The following NLGN1 variants were observed in gnomAD, a reference collection of about 807,000 sequenced individuals.
The protein encoded by NLGN1 is neuroligin-1.
NLGN1 carries 12 observed loss-of-function variants against 65.5 expected under a neutral mutation model. The observed-to-expected ratio is 0.18, with a 90% CI of 0.12 to 0.30. The LOEUF (loss-of-function observed/expected upper bound fraction) is 0.30. Among genes scored for constraint, NLGN1 ranks in the 10% least tolerant of loss-of-function variants. The pLI is 1.00. For synonymous variants in NLGN1, 350 were observed against 359.5 expected, an observed-to-expected ratio of 0.97 and a Z score of 0.30; for missense variants, 750 against 1,007.1, an observed-to-expected ratio of 0.74 and a Z score of 3.46.
intron 4 of NLGN1, among the ~76,000 whole-genome samples, chr3:174,141,656 CT>C (rs1357491454): frequency 1.3e-5 from 2 of 152,140 alleles, no homozygotes; most frequent in Non-Finnish European, 2.9e-5. Context: ...TTAGTACCTA[CT>C]AATTGCTAGA....
intron 2 of NLGN1, among the ~76,000 whole-genome samples, chr3:173,498,264 C>G (rs1730374165): frequency 6.6e-6 from 1 of 150,654 alleles, no homozygotes; most frequent in Admixed American, 6.6e-5. Flanking sequence ...TCCATGTGTT[C>G]TCATTGTTCA....
intron 2 of NLGN1, among the ~76,000 whole-genome samples, chr3:173,461,706 A>G (rs890068386): frequency 2.6e-5 from 4 of 152,318 alleles, no homozygotes; most frequent in Middle Eastern, 3.4e-3. Context: ...AAAAGAAACT[A>G]GAAAGATTAT....
intron 4 of NLGN1, among the ~76,000 whole-genome samples, chr3:174,268,161 A>G (rs1380253301): frequency 6.6e-6 from 1 of 152,212 alleles, no homozygotes; most frequent in Admixed American, 6.5e-5. Context: ...ATTCCCGCAC[A>G]ATCAAAGCAA....
chr3:173,436,646 A>T (rs1157295937), intron 2 of NLGN1, among the ~76,000 whole-genome samples: 1 of 152,164 alleles, frequency 6.6e-6, no homozygotes, highest in East Asian at 1.9e-4. Flanking sequence ...TGCCTTGAGA[A>T]GCTAACCTTG....
Position 173,425,414 on chromosome 3 carries a change from A to G in NLGN1, c.-389-9596A>G, listed in dbSNP as rs1440304847. 4.6e-5 allele frequency among the ~76,000 whole-genome samples: 7 copies of G among 152,154 alleles called. No homozygotes were observed. In the South Asian group the frequency reaches 8.3e-4, roughly 18 times the overall value. ...GTCACCTGTGTTACCCAAAAAAATC[A>G]TTGTCCAGATTAATGTCCTAAAATG... On this transcript the variant is annotated intron_variant, in intron 1 of 6. Transcript: ENST00000457714.
intron 2 of NLGN1, among the ~76,000 whole-genome samples, chr3:173,576,352 C>T (rs1317080107): frequency 6.6e-6 from 1 of 151,744 alleles, no homozygotes; most frequent in Non-Finnish European, 1.5e-5. Context: ...TAACAAATTC[C>T]CACAAATTTA....
chr3:173,560,087 G>C (rs1742441641), intron 2 of NLGN1, among the ~76,000 whole-genome samples: 1 of 152,016 alleles, frequency 6.6e-6, no homozygotes, highest in Non-Finnish European at 1.5e-5. Context: ...GGGACTACAG[G>C]CGCCTGCCAC....
At chr3:173,861,561 T>C (rs374091956) in intron 4 of NLGN1, among the ~76,000 whole-genome samples, 11 of 148,142 alleles carry the variant, frequency 7.4e-5, no homozygotes, top group Admixed American at 4.7e-4. Flanking sequence ...TGTGTGTATA[T>C]ACACACACAC....
At chr3:173,813,457 G>A (rs1164395324) in intron 4 of NLGN1, among the ~76,000 whole-genome samples, 1 of 152,224 alleles carries the variant, frequency 6.6e-6, no homozygotes, top group Non-Finnish European at 1.5e-5. Context: ...TGTGTCTATA[G>A]AGTCCAGACT....
At chr3:173,738,681 C>T (rs1774149829) in intron 3 of NLGN1, among the ~76,000 whole-genome samples, 1 of 151,954 alleles carries the variant, frequency 6.6e-6, no homozygotes, top group Non-Finnish European at 1.5e-5. Context: ...ATTGTAATTC[C>T]TCCAACTCTG....
intron 3 of NLGN1, among the ~76,000 whole-genome samples, chr3:173,682,965 G>C (rs1764162338): frequency 6.6e-6 from 1 of 152,188 alleles, no homozygotes; most frequent in African/African-American, 2.4e-5. Context: ...AGACTATTTA[G>C]AGATTTTTAT....
chr3:174,066,560 C>CTGTGTG (rs1326570279), intron 4 of NLGN1, among the ~76,000 whole-genome samples: 48 of 133,988 alleles, frequency 3.6e-4, no homozygotes, highest in African/African-American at 1.2e-3. Context: ...CTCTCTCTCT[C>CTGTGTG]TCTCTGTGTG....
intron 4 of NLGN1, among the ~76,000 whole-genome samples, chr3:173,982,495 CA>C (rs1378654891): frequency 6.6e-6 from 1 of 152,082 alleles, no homozygotes; most frequent in Non-Finnish European, 1.5e-5. Context: ...CATAGAAATA[CA>C]GACCTTATAG....
At chr3:174,214,380 G>A (rs1737225945) in intron 4 of NLGN1, among the ~76,000 whole-genome samples, 1 of 152,116 alleles carries the variant, frequency 6.6e-6, no homozygotes, top group African/African-American at 2.4e-5. Flanking sequence ...GCTTTTAGAA[G>A]CAATTACTAG....
chr3:174,064,955 A>G (rs1303853081), intron 4 of NLGN1, among the ~76,000 whole-genome samples: 2 of 151,516 alleles, frequency 1.3e-5, no homozygotes. Flanking sequence ...CTTATAAAAC[A>G]TTAAAAAATA....
At chr3:173,717,838 C>A (rs1178202790) in intron 3 of NLGN1, among the ~76,000 whole-genome samples, 3 of 151,956 alleles carry the variant, frequency 2.0e-5, no homozygotes, top group Non-Finnish European at 4.4e-5. Flanking sequence ...AATATATAAA[C>A]CTACTATGTA....
At chr3:174,152,241 GTCTATA>G (rs1376601168) in intron 4 of NLGN1, among the ~76,000 whole-genome samples, 11 of 152,178 alleles carry the variant, frequency 7.2e-5, no homozygotes, top group South Asian at 4.2e-4. Context: ...AAAAGTTTAT[GTCTATA>G]TCTATATGTC....
intron 2 of NLGN1, among the ~76,000 whole-genome samples, chr3:173,498,561 A>G (rs1560341949): frequency 2.0e-5 from 3 of 151,836 alleles, no homozygotes; most frequent in Non-Finnish European, 4.4e-5. Context: ...TCCTCTGGGT[A>G]TATACCCAGT....
chr3:174,010,828 C>G (rs291926), intron 4 of NLGN1, among the ~76,000 whole-genome samples: 142,770 of 152,196 alleles, frequency 0.94, 67,012 homozygotes, highest in East Asian at 0.98. Context: ...AATGTAAAAG[C>G]CTAGAAAAAT....
Sources: gnomAD v4.1 joint callset for allele counts (sites outside exome capture counted in the v4.1 genomes callset) on GRCh38, gnomAD v4.1.1 for gene constraint, MANE v1.5 for transcripts, NCBI Gene and HGNC (gene_info 2026-07-23, HGNC 2026-07-21) for gene names.